Variants in SYCE1 observed in about 807,000 individuals in gnomAD.
SYCE1 encodes synaptonemal complex central element protein 1, also known as cancer/testis antigen 76.
A neutral mutation model predicts 55.1 loss-of-function variants in SYCE1; 37 were observed. That is an observed-to-expected ratio of 0.67 (90% CI 0.52 to 0.88). SYCE1 has a LOEUF of 0.88. Ranked by LOEUF, SYCE1 falls within the 40% of genes least tolerant of loss-of-function variation. The pLI, the probability that SYCE1 is intolerant of heterozygous loss-of-function variation, is 0.00. For synonymous variants in SYCE1, 163 were observed against 159.4 expected (o/e 1.02, Z -0.17); for missense variants, 399 against 416.4 (o/e 0.96, Z 0.36).
chr10:133,555,350 C>A lies in SYCE1; in HGVS notation c.918+1G>T, dbSNP rs1564854787. 1 of 1,613,906 alleles carries A rather than the reference C, an allele frequency of 6.2e-7. No homozygotes were observed. The highest frequency in any genetic ancestry group is 8.5e-7 in the Non-Finnish European group (1 of 1,179,908). Reference sequence around the variant, plus strand: ...CCCTGACGCCCACTTCTGGGGCTTACCACATCTCCTGGGCCAGCCTCTTCC... The same window carrying A: ...CCCTGACGCCCACTTCTGGGGCTTAACACATCTCCTGGGCCAGCCTCTTCC... On this transcript the variant is annotated splice_donor_variant, in intron 12 of 12. Transcript: ENST00000343131. LOFTEE classifies it high-confidence loss of function.
rs778878786 is a variant in SYCE1, at chr10:133,557,167, C to T, written c.375-11G>A. 8 of 1,612,368 alleles carry T rather than the reference C, an allele frequency of 5.0e-6. No individual in the cohort carries two copies. Among genetic ancestry groups the T allele is most frequent in the Admixed American group, 1.7e-5 (1 of 60,002 alleles). Reference sequence around the variant, plus strand: ...AACATGGTGTGCTTCCTGGGAGAGGCGAGGCAGCCCTCAGCCATGTTCTCT... The same window carrying T: ...AACATGGTGTGCTTCCTGGGAGAGGTGAGGCAGCCCTCAGCCATGTTCTCT... On this transcript the variant is annotated splice_polypyrimidine_tract_variant and intron_variant, in intron 6 of 12. Transcript: ENST00000343131.
In SYCE1 at chr10:133,555,592, C is replaced by G; in HGVS notation, c.830+5G>C. 1 of 1,603,594 alleles carries G rather than the reference C, an allele frequency of 6.2e-7. No individual in the cohort carries two copies. The highest frequency in any genetic ancestry group is 2.2e-5 in the East Asian group (1 of 44,738). ...GGGTTGCGGGGACAGGGCCTCCACA[C>G]GCACCTCTGCCGCTTCTGCTGCTGT... is the stretch of plus-strand genomic sequence containing the variant. On this transcript the variant is annotated splice_donor_5th_base_variant and intron_variant, in intron 11 of 12. Transcript: ENST00000343131.
downstream of SYCE1, chr10:133,554,775 C>T (rs918212426): frequency 1.9e-4 from 276 of 1,461,034 alleles, no homozygotes; most frequent in South Asian, 8.1e-4. Context: ...GAGAGCGTCT[C>T]GGGCCTGCAT....
intron 12 of SYCE1, 72 bp downstream of exon 12, chr10:133,555,278 CT>C (rs1432076618): frequency 6.2e-7 from 1 of 1,602,310 alleles, no homozygotes; most frequent in African/African-American, 1.3e-5. Context: ...GACCCCCTCC[CT>C]TGTCCTCCCG....
In SYCE1 at chr10:133,555,058, G is replaced by T; in HGVS notation, c.990C>A (p.Gly330=). The T allele has an allele frequency of 6.4e-7, 1 of 1,551,476 alleles. No individual in the cohort carries two copies. The highest frequency in any genetic ancestry group is 1.2e-5 in the South Asian group (1 of 84,042). ...AHQAGPDVLI[G]QEDTLHPDLS... ...GGTCGGGGTGGAGTGTGTCCTCCTGGCCTATGAGGACATCAGGCCCTGCTT... is the reference window on the plus strand; with the variant it reads ...GGTCGGGGTGGAGTGTGTCCTCCTGTCCTATGAGGACATCAGGCCCTGCTT... The change falls in exon 13 of 13, where the codon GGC becomes GGA. Residue 330 remains glycine (G), a synonymous_variant. Coordinates refer to ENST00000343131, the MANE Select transcript of SYCE1 (RefSeq NM_001143764.3).
At chr10:133,568,181 C>A (rs1201620466), upstream of SYCE1, 4 of 1,029,358 alleles carry the variant, frequency 3.9e-6, no homozygotes, top group Non-Finnish European at 5.9e-6. Context: ...GCCCGAAGTC[C>A]ACGTACAGTA....
rs780201096 is a variant in SYCE1 at position 133,557,070 on chromosome 10, A to T, written c.461T>A (p.Leu154Gln). 1 of 1,613,952 alleles carries T rather than the reference A, an allele frequency of 6.2e-7. No individual in the cohort carries two copies. The highest frequency in any genetic ancestry group is 1.7e-5 in the Admixed American group (1 of 60,006). ...IEEEKNKQRQ[L>Q]RLAFEEQLED... ...TGCCTCAGATGCTAAGGTTTACCTC[A>T]GCTGTCTCTGTTTGTTCTTCTCTTC... The change falls in exon 7 of 13, where the codon CTG becomes CAG. Residue 154 changes from leucine (L) to glutamine (Q), a missense_variant. Transcript: ENST00000343131.
At chr10:133,562,349 T>G (rs1215040577) in intron 1 of SYCE1, among the ~76,000 whole-genome samples, 2 of 151,802 alleles carry the variant, frequency 1.3e-5, no homozygotes, top group African/African-American at 4.8e-5. Context: ...TTCTTTTTTC[T>G]CTCTCCTAGG....
intron 6 of SYCE1, chr10:133,557,486 T>C (rs1851714308): frequency 2.1e-6 from 1 of 487,534 alleles, no homozygotes; most frequent in Non-Finnish European, 3.7e-6. Flanking sequence ...GAGAAATGGA[T>C]GGACAAATCG....
intron 7 of SYCE1, 92 bp from the exon 8 acceptor site, chr10:133,556,914 G>A (rs1851698350): frequency 6.4e-7 from 1 of 1,554,954 alleles, no homozygotes; most frequent in Non-Finnish European, 8.9e-7. Context: ...CAGATTTTGG[G>A]GTGCTTTGCC....
At position 133,558,969 on chromosome 10, in the gene SYCE1, A is replaced by G; in HGVS notation, c.197-18T>C. 1 of 1,606,578 alleles carries G rather than the reference A, an allele frequency of 6.2e-7. No individual in the cohort carries two copies. The stretch of plus-strand genomic sequence containing the variant: ...CTTTTTTGCTTCACCAAAGAGCAGA[A>G]AAACATTGTGTGAGTGCAGCCTCTA... On this transcript the variant is annotated intron_variant, in intron 3 of 12. Coordinates refer to ENST00000343131, the MANE Select transcript of SYCE1 (RefSeq NM_001143764.3).
intron 3 of SYCE1, 162 bp downstream of exon 3, chr10:133,559,139 G>A (rs1021999914): frequency 3.1e-5 from 28 of 904,736 alleles, no homozygotes; most frequent in Non-Finnish European, 4.8e-5. Flanking sequence ...TGTAACTATG[G>A]CAGTCGCATG....
At chr10:133,559,753 AG>A (rs1851778078) in intron 2 of SYCE1, 1 of 388,242 alleles carries the variant, frequency 2.6e-6, no homozygotes, top group Non-Finnish European at 4.8e-6. Context: ...CATGGCTGGC[AG>A]GAGCCTAGCG....
chr10:133,563,552 T>C (rs1851861610), intron 1 of SYCE1, among the ~76,000 whole-genome samples: 1 of 152,116 alleles, frequency 6.6e-6, no homozygotes, highest in Admixed American at 6.5e-5. Context: ...TATCTGGGCA[T>C]GGTGACATGT....
rs1408751496 is a variant in SYCE1, at chr10:133,555,820, C to T, written c.679G>A (p.Glu227Lys). The T allele has an allele frequency of 6.2e-7, 1 of 1,613,784 alleles. No homozygotes were observed. The highest frequency in any genetic ancestry group is 8.5e-7 in the Non-Finnish European group (1 of 1,180,002). ...TCCTGGCTGCGGAGAAAGAGTCCCTCATCAAGGGTGGAGGGGCCCTCAGCC... is the reference window on the plus strand; with the variant it reads ...TCCTGGCTGCGGAGAAAGAGTCCCTTATCAAGGGTGGAGGGGCCCTCAGCC... ...CGAEGPSTLD[E>K]GLFLRSQEAA... The change falls in exon 10 of 13, where the codon GAG becomes AAG. Residue 227 changes from glutamate (E) to lysine (K), a missense_variant. Transcript: ENST00000343131.
chr10:133,558,922 C>G lies in SYCE1; in HGVS notation c.226G>C (p.Glu76Gln). 1 of 1,612,176 alleles carries G rather than the reference C, an allele frequency of 6.2e-7. No individual in the cohort carries two copies. Among genetic ancestry groups the G allele is most frequent in the Non-Finnish European group, 8.5e-7 (1 of 1,179,624 alleles). Reference protein sequence around the residue: ...AKKKANKDLGEARTICEALQK... With the variant: ...AKKKANKDLGQARTICEALQK... ...AGGGCCTCACAGATGGTCCGGGCCT[C>G]TCCTAGGTCTTTATTGGCTTTCTTT... Residue 76 changes from glutamate to glutamine, a missense_variant, in exon 4 of 13, where the codon GAG becomes CAG. Coordinates refer to ENST00000343131, the MANE Select transcript of SYCE1 (RefSeq NM_001143764.3).
chr10:133,557,931 C>T lies in SYCE1; in HGVS notation c.320-13G>A, dbSNP rs1374313815. 2.5e-6 allele frequency: 4 copies of T among 1,613,922 alleles called. No individual in the cohort carries two copies. Among genetic ancestry groups the T allele is most frequent in the South Asian group, 1.1e-5 (1 of 91,064 alleles). ...ATCCTCAGGGTCTCTGTAGGGAGAG[C>T]AACAGGGCCCTATGAGAACCTGTCA... On this transcript the variant is annotated splice_polypyrimidine_tract_variant and intron_variant, in intron 5 of 12. Coordinates refer to ENST00000343131, the MANE Select transcript of SYCE1 (RefSeq NM_001143764.3).
At chr10:133,554,032 A>G, downstream of SYCE1, 1 of 353,582 alleles carries the variant, frequency 2.8e-6, no homozygotes, top group Non-Finnish European at 5.1e-6. Flanking sequence ...AATAAAAGCT[A>G]AAGTTCCTTC....
Position 133,555,715 on chromosome 10 carries a change from G to A in SYCE1, c.720-8C>T. ...TCTTCCTGAAACAGCTGCCTGGGGG[G>A]CCCAGTAGGGGGTGGTCAGCACCGG... On this transcript the variant is annotated splice_polypyrimidine_tract_variant and splice_region_variant and intron_variant, in intron 10 of 12. Coordinates refer to ENST00000343131, the MANE Select transcript of SYCE1 (RefSeq NM_001143764.3). The A allele has an allele frequency of 1.2e-6, 2 of 1,606,454 alleles. No individual in the cohort carries two copies. The highest frequency in any genetic ancestry group is 1.1e-5 in the South Asian group (1 of 91,064).
Sources: allele counts gnomAD v4.1 joint callset (sites outside exome capture counted in the v4.1 genomes callset), GRCh38; gene constraint gnomAD v4.1.1; transcripts MANE v1.5; gene names NCBI Gene and HGNC (gene_info 2026-07-23, HGNC 2026-07-21).